Variants in JPH3 observed in about 807,000 individuals in gnomAD.
JPH3 encodes the protein junctophilin-3.
A neutral mutation model predicts 59.6 loss-of-function variants in JPH3; 11 were observed. The observed-to-expected ratio is 0.18, with a 90% CI of 0.12 to 0.31. The LOEUF is 0.31. JPH3 is among the 10% of genes least tolerant of loss of function. JPH3 has a pLI of 1.00. For missense variants in JPH3, 1,202 were observed against 1,105.7 expected (o/e 1.09, Z -1.24); for synonymous variants, 673 against 483.6 (o/e 1.39, Z -5.14).
chr16:87,618,611 CCAG>C (rs1378809375), intron 1 of JPH3, among the ~76,000 whole-genome samples: 1 of 152,224 alleles, frequency 6.6e-6, no homozygotes, highest in Non-Finnish European at 1.5e-5. Flanking sequence ...CTCGTTCCCG[CCAG>C]CAGCATGGGG....
chr16:87,656,952 C>G (rs1200612635), intron 2 of JPH3, among the ~76,000 whole-genome samples: 1 of 152,132 alleles, frequency 6.6e-6, no homozygotes, highest in African/African-American at 2.4e-5. Flanking sequence ...GGATCTCCCT[C>G]TCCTCCTCTT....
At chr16:87,670,887 G>C (rs1442014396) in intron 2 of JPH3, among the ~76,000 whole-genome samples, 1 of 152,206 alleles carries the variant, frequency 6.6e-6, no homozygotes, top group African/African-American at 2.4e-5. Context: ...GGTCAGGAAT[G>C]GGCTTCTCGA....
In JPH3 at chr16:87,644,609, G is replaced by T. The variant is rs772600210; in HGVS notation, c.734G>T (p.Arg245Leu). Reference protein sequence around the residue: ...ASQRSKQSSFRSEAGMSTVSS... With the variant: ...ASQRSKQSSFLSEAGMSTVSS... ...CAACGCAGCAAGCAGAGCTCCTTTC[G>T]CAGCGAGGCGGGCATGAGCACCGTC... The change falls in exon 2 of 5, where the codon CGC (arginine) becomes CTC (leucine). Residue 245 changes from arginine to leucine, a missense_variant. Transcript: ENST00000284262. 4.3e-6 allele frequency: 7 copies of T among 1,612,694 alleles called. No homozygotes were observed. The highest frequency in any genetic ancestry group is 3.3e-5 in the South Asian group (3 of 91,080).
rs2573120 is a variant in JPH3, at chr16:87,614,699, C to A, written c.382+11171C>A. On this transcript the variant is annotated intron_variant, in intron 1 of 4. Coordinates refer to ENST00000284262, the MANE Select transcript of JPH3 (RefSeq NM_020655.4). ...ACGTGAGGAGCCGCGCGTCCCCTCC[C>A]GGGATAAACTCTGGTCCCTGCACAC... Among the ~76,000 whole-genome samples the A allele has an allele frequency of 2.2e-5, 3 of 133,608 alleles. No individual in the cohort carries two copies. The South Asian group carries it at 7.2e-4, about 32-fold the overall frequency. 87.7% of individuals were successfully genotyped at this position (133,608 alleles called of 152,430 possible). A position where few individuals can be genotyped will look rare whatever the true frequency, so the allele number is the denominator to read the frequency against.
At chr16:87,673,125 G>A (rs540871883) in intron 2 of JPH3, among the ~76,000 whole-genome samples, 10 of 151,400 alleles carry the variant, frequency 6.6e-5, no homozygotes, top group East Asian at 1.9e-4. Context: ...CAGACTGGGC[G>A]ACACAGTGCG....
chr16:87,696,810 TCA>T lies in JPH3; in HGVS notation c.*153_*154del, dbSNP rs2033881289. On this transcript the variant is annotated 3_prime_UTR_variant, in exon 5 of 5. Coordinates refer to ENST00000284262, the MANE Select transcript of JPH3 (RefSeq NM_020655.4). Reference sequence around the variant, plus strand: ...GAAGAACCACACGATTGGGTATCACTCACAGTTTGCCTTTTTTTCTGGGTAAT... The same window carrying T: ...GAAGAACCACACGATTGGGTATCACTCAGTTTGCCTTTTTTTCTGGGTAAT... The T allele has an allele frequency of 2.0e-5, 13 of 664,764 alleles. No homozygotes were observed. Among genetic ancestry groups the T allele is most frequent in the Non-Finnish European group, 3.2e-5 (12 of 379,294 alleles). 41.2% of individuals were successfully genotyped at this position (664,764 alleles called of 1,614,324 possible).
intron 2 of JPH3, among the ~76,000 whole-genome samples, chr16:87,649,442 GTCC>G (rs925272013): frequency 6.9e-4 from 105 of 152,350 alleles, no homozygotes; most frequent in African/African-American, 2.5e-3. Context: ...ATTCATCACA[GTCC>G]TCCTCGAAGC....
At chr16:87,614,038 C>T (rs1470418068) in intron 1 of JPH3, among the ~76,000 whole-genome samples, 2 of 152,170 alleles carry the variant, frequency 1.3e-5, no homozygotes, top group African/African-American at 4.8e-5. Flanking sequence ...AACTGAGGCC[C>T]ACCAAGGGAG....
In JPH3 at chr16:87,697,836, C is replaced by G. The variant is rs187221561; in HGVS notation, c.*1176C>G. ...GTTCCTTATGTTTCTGCCTTCTCCA[C>G]CAGGGTCGCTCCATCACCCAAACAA... is the stretch of plus-strand genomic sequence containing the variant. On this transcript the variant is annotated 3_prime_UTR_variant, in exon 5 of 5. Coordinates refer to ENST00000284262, the MANE Select transcript of JPH3 (RefSeq NM_020655.4). 29 of 152,432 alleles carry G rather than the reference C, an allele frequency of 1.9e-4. No homozygotes were observed. The highest frequency in any genetic ancestry group is 7.0e-4 in the African/African-American group (29 of 41,590). 9.4% of individuals were successfully genotyped at this position (152,432 alleles called of 1,614,324 possible).
chr16:87,603,556 G>C (rs1235275803), intron 1 of JPH3, 28 bp downstream of exon 1: 1 of 1,538,706 alleles, frequency 6.5e-7, no homozygotes, highest in East Asian at 2.4e-5. Context: ...GGCCGGGCCG[G>C]GGCGGGAGGG....
intron 1 of JPH3, among the ~76,000 whole-genome samples, chr16:87,627,069 C>G (rs116180509): frequency 6.6e-6 from 1 of 152,230 alleles, no homozygotes; most frequent in Non-Finnish European, 1.5e-5. Context: ...GCCTCAAGCC[C>G]GGGCCTGCCC....
intron 2 of JPH3, among the ~76,000 whole-genome samples, chr16:87,665,766 T>C (rs2032841242): frequency 1.3e-5 from 2 of 152,184 alleles, no homozygotes; most frequent in African/African-American, 4.8e-5. Flanking sequence ...AGACCCAGCC[T>C]CCTTCCCCAG....
intron 1 of JPH3, among the ~76,000 whole-genome samples, chr16:87,631,985 CT>C (rs1227316572): frequency 6.6e-6 from 1 of 152,182 alleles, no homozygotes; most frequent in Non-Finnish European, 1.5e-5. Context: ...GATTCCCCCT[CT>C]TTTTTCCCAC....
intron 2 of JPH3, among the ~76,000 whole-genome samples, chr16:87,655,761 G>A (rs539035422): frequency 1.7e-4 from 26 of 152,204 alleles, no homozygotes; most frequent in Non-Finnish European, 2.8e-4. Context: ...CCCACGTCTC[G>A]GCCCCCCGTG....
At chr16:87,683,891 C>T (rs1597288959) in intron 2 of JPH3, 2 of 464,314 alleles carry the variant, frequency 4.3e-6, no homozygotes, top group African/African-American at 2.0e-5. Context: ...CAGGCGTGAG[C>T]CACCATGCCC....
intron 2 of JPH3, among the ~76,000 whole-genome samples, chr16:87,646,536 C>T (rs1471942817): frequency 6.6e-6 from 1 of 152,180 alleles, no homozygotes; most frequent in Admixed American, 6.5e-5. Flanking sequence ...ATACTTGTTC[C>T]ACAGGAAAAT....
At chr16:87,629,862 C>G (rs751781403) in intron 1 of JPH3, among the ~76,000 whole-genome samples, 1 of 151,930 alleles carries the variant, frequency 6.6e-6, no homozygotes, top group Non-Finnish European at 1.5e-5. Flanking sequence ...CCATCAATTG[C>G]GACAGATGTA....
At chr16:87,641,420 G>A (rs1258424073) in intron 1 of JPH3, among the ~76,000 whole-genome samples, 2 of 152,184 alleles carry the variant, frequency 1.3e-5, no homozygotes, top group African/African-American at 2.4e-5. Context: ...GCCTCCCCAA[G>A]CAGCTTTGGG....
In JPH3 at chr16:87,644,792, C is replaced by G; in HGVS notation, c.917C>G (p.Ser306Trp). Reference sequence around the variant, plus strand: ...TCCGGCTTCGGCGTGAGCCAGCGCTCGGACGGGCTCAAGTACGAGGGCGAG... The same window carrying G: ...TCCGGCTTCGGCGTGAGCCAGCGCTGGGACGGGCTCAAGTACGAGGGCGAG... Reference protein sequence around the residue: ...KRSGFGVSQRSDGLKYEGEWA... With the variant: ...KRSGFGVSQRWDGLKYEGEWA... The change falls in exon 2 of 5, where the codon TCG becomes TGG. Residue 306 changes from serine (S) to tryptophan (W), a missense_variant. Coordinates refer to ENST00000284262, the MANE Select transcript of JPH3 (RefSeq NM_020655.4). 2 of 1,613,330 alleles carry G rather than the reference C, an allele frequency of 1.2e-6. No homozygotes were observed. Among genetic ancestry groups the G allele is most frequent in the Non-Finnish European group, 1.7e-6 (2 of 1,179,890 alleles).
Sources: gnomAD v4.1 joint callset for allele counts (sites outside exome capture counted in the v4.1 genomes callset) on GRCh38, gnomAD v4.1.1 for gene constraint, MANE v1.5 for transcripts, NCBI Gene and HGNC (gene_info 2026-07-23, HGNC 2026-07-21) for gene names.